The following TMEM132B variants were observed in gnomAD, a reference collection of about 807,000 sequenced individuals.
TMEM132B encodes transmembrane protein 132B.
A neutral mutation model predicts 90.8 loss-of-function variants in TMEM132B; 18 were observed. That is an observed-to-expected ratio of 0.20 (90% CI 0.14 to 0.29). The LOEUF (loss-of-function observed/expected upper bound fraction) is 0.29. Among genes scored for constraint, TMEM132B ranks in the 10% least tolerant of loss-of-function variants. The pLI, the probability that TMEM132B is intolerant of heterozygous loss-of-function variation, is 1.00. For synonymous variants in TMEM132B, 504 were observed against 523.3 expected (o/e 0.96, Z 0.50); for missense variants, 1,096 against 1,326.8 (o/e 0.83, Z 2.70).
chr12:125,202,503 A>T (rs1217619811), intron 1 of TMEM132B, among the ~76,000 whole-genome samples: 1 of 152,184 alleles, frequency 6.6e-6, no homozygotes, highest in Admixed American at 6.5e-5. Context: ...GGTTGGTAGG[A>T]TTCCGTTTTT....
chr12:125,350,402 G>A (rs1877530115), intron 2 of TMEM132B, 59 bp downstream of exon 2: 3 of 1,516,086 alleles, frequency 2.0e-6, no homozygotes, highest in Non-Finnish European at 2.7e-6. Flanking sequence ...TCAATGAATT[G>A]TCAATGAATA....
At position 125,425,969 on chromosome 12, in the gene TMEM132B, C is replaced by T. The variant is rs555715013; in HGVS notation, c.1106+10292C>T. On this transcript the variant is annotated intron_variant, in intron 3 of 8. Coordinates refer to ENST00000682704, the MANE Select transcript of TMEM132B (RefSeq NM_001366854.1). Reference sequence around the variant, plus strand: ...ACTCATTTGGATAAGTGCCAAGGAGCGCAATTGCTGGATCATATGATAAGA... The same window carrying T: ...ACTCATTTGGATAAGTGCCAAGGAGTGCAATTGCTGGATCATATGATAAGA... 7.2e-5 allele frequency among the ~76,000 whole-genome samples: 11 copies of T among 152,238 alleles called. No individual in the cohort carries two copies. The South Asian group carries it at 8.3e-4, about 11-fold the overall frequency.
At chr12:125,481,044 C>T (rs544272428) in intron 3 of TMEM132B, among the ~76,000 whole-genome samples, 38 of 152,160 alleles carry the variant, frequency 2.5e-4, no homozygotes, top group Non-Finnish European at 4.6e-4. Context: ...AAAAGGCCTT[C>T]GATAAAATCT....
chr12:125,590,551 T>C (rs1455520369), intron 5 of TMEM132B, among the ~76,000 whole-genome samples: 1 of 152,224 alleles, frequency 6.6e-6, no homozygotes, highest in Non-Finnish European at 1.5e-5. Context: ...TGGCATCGGG[T>C]AAAGACTTGG....
At chr12:125,296,865 G>A (rs1252008524) in intron 1 of TMEM132B, among the ~76,000 whole-genome samples, 2 of 152,214 alleles carry the variant, frequency 1.3e-5, no homozygotes, top group African/African-American at 4.8e-5. Context: ...AAAAGGAGCC[G>A]GGGAAAGCTG....
chr12:125,367,642 G>A (rs1388583785), intron 2 of TMEM132B, among the ~76,000 whole-genome samples: 1 of 152,046 alleles, frequency 6.6e-6, no homozygotes, highest in African/African-American at 2.4e-5. Flanking sequence ...TATTCTCCAG[G>A]CTAAATGTGA....
intron 1 of TMEM132B, among the ~76,000 whole-genome samples, chr12:125,283,849 G>C (rs915642670): frequency 6.6e-6 from 1 of 152,158 alleles, no homozygotes; most frequent in African/African-American, 2.4e-5. Context: ...GCTTGTTGTC[G>C]CAGAATCCTA....
chr12:125,527,184 A>ACCCT (rs1883496389), intron 4 of TMEM132B, among the ~76,000 whole-genome samples: 1 of 110,704 alleles, frequency 9.0e-6, no homozygotes. Context: ...CCTTCCATCC[A>ACCCT]TCCATCCACC....
intron 4 of TMEM132B, among the ~76,000 whole-genome samples, chr12:125,538,765 C>G (rs1284127445): frequency 2.0e-5 from 3 of 152,140 alleles, no homozygotes; most frequent in Non-Finnish European, 4.4e-5. Flanking sequence ...TCTTCAAGTC[C>G]CATTCTTTGT....
At chr12:125,281,068 G>A (rs1169840240) in intron 1 of TMEM132B, among the ~76,000 whole-genome samples, 1 of 152,226 alleles carries the variant, frequency 6.6e-6, no homozygotes, top group African/African-American at 2.4e-5. Flanking sequence ...TTTTGGCCTT[G>A]GGGTGGAGAG....
At chr12:125,527,282 C>T (rs1367828395) in intron 4 of TMEM132B, among the ~76,000 whole-genome samples, 3 of 136,102 alleles carry the variant, frequency 2.2e-5, no homozygotes, top group African/African-American at 9.4e-5. Context: ...TTCTATCCAC[C>T]CATCCACCCT....
Position 125,579,415 on chromosome 12 carries a change from G to A in TMEM132B, c.1294-4436G>A, listed in dbSNP as rs1193412050. On this transcript the variant is annotated intron_variant, in intron 4 of 8. Coordinates refer to ENST00000682704, the MANE Select transcript of TMEM132B (RefSeq NM_001366854.1). ...CTCGCTCTGTGGCCCAGGCTGGAGT[G>A]CAATAGCATGATCTCGGCTCACTGC... Among the ~76,000 whole-genome samples the A allele has an allele frequency of 3.3e-5, 5 of 151,358 alleles. No individual in the cohort carries two copies. In the East Asian group the frequency reaches 7.8e-4, roughly 24 times the overall value.
At chr12:125,249,296 C>T (rs780088284) in intron 1 of TMEM132B, among the ~76,000 whole-genome samples, 2 of 152,036 alleles carry the variant, frequency 1.3e-5, no homozygotes, top group South Asian at 2.1e-4. Context: ...TGGTGGGGCC[C>T]GAGGATTTGC....
chr12:125,640,656 CCAGCAG>C (rs1886606132), intron 5 of TMEM132B, among the ~76,000 whole-genome samples: 1 of 151,778 alleles, frequency 6.6e-6, no homozygotes, highest in African/African-American at 2.4e-5. Flanking sequence ...CAGCCCTGGG[CCAGCAG>C]TCAGCAGTCA....
Position 125,474,019 on chromosome 12 carries a change from C to G in TMEM132B, c.1107-45420C>G, listed in dbSNP as rs143775002. ...CCAAGATTGAGCTCACCTTTCCTTC[C>G]TTCCTTCTTTCCTTCCTTCCTTCCT... On this transcript the variant is annotated intron_variant, in intron 3 of 8. Coordinates refer to ENST00000682704, the MANE Select transcript of TMEM132B (RefSeq NM_001366854.1). 1.4e-3 allele frequency among the ~76,000 whole-genome samples: 205 copies of G among 145,160 alleles called. 1 individual carries two copies. The highest frequency in any genetic ancestry group is 5.1e-3 in the African/African-American group (197 of 38,372).
At chr12:125,200,998 A>G (rs1374687470) in intron 1 of TMEM132B, among the ~76,000 whole-genome samples, 5 of 152,228 alleles carry the variant, frequency 3.3e-5, no homozygotes, top group African/African-American at 1.2e-4. Context: ...TGTAGCACTT[A>G]GCACAAACAC....
intron 3 of TMEM132B, among the ~76,000 whole-genome samples, chr12:125,517,368 A>ATTTTTTTTT (rs1883192597): frequency 4.9e-5 from 3 of 61,084 alleles, no homozygotes; most frequent in Non-Finnish European, 9.7e-5. Flanking sequence ...TTTTTTTTGC[A>ATTTTTTTTT]TTTTTAGTAG....
intron 4 of TMEM132B, among the ~76,000 whole-genome samples, chr12:125,560,659 A>T (rs549389459): frequency 1.3e-5 from 2 of 150,830 alleles, no homozygotes; most frequent in Admixed American, 1.3e-4. Flanking sequence ...CGTCTCTACT[A>T]AAAAAAATAC....
intron 1 of TMEM132B, among the ~76,000 whole-genome samples, chr12:125,325,101 T>G (rs1876525182): frequency 6.6e-6 from 1 of 152,162 alleles, no homozygotes; most frequent in African/African-American, 2.4e-5. Flanking sequence ...AGTTCCATTG[T>G]GTTTACAATT....
Sources: allele counts gnomAD v4.1 joint callset (sites outside exome capture counted in the v4.1 genomes callset), GRCh38; gene constraint gnomAD v4.1.1; transcripts MANE v1.5; gene names NCBI Gene and HGNC (gene_info 2026-07-23, HGNC 2026-07-21).